PGR: variants seen among roughly 807,000 people sequenced by gnomAD.
PGR encodes the protein nuclear receptor subfamily 3 group C member 3.
A neutral mutation model predicts 76.1 loss-of-function variants in PGR; 25 were observed. The observed-to-expected ratio is 0.33, with a 90% CI of 0.24 to 0.46. The LOEUF (loss-of-function observed/expected upper bound fraction) is 0.46, where lower values mean the gene tolerates loss of function less well. Ranked by LOEUF, PGR falls within the 20% of genes least tolerant of loss-of-function variation. PGR has a pLI of 1.00. For missense variants in PGR, 1,172 were observed against 1,225.3 expected, an observed-to-expected ratio of 0.96 and a Z score of 0.65; for synonymous variants, 579 against 535.0, an observed-to-expected ratio of 1.08 and a Z score of -1.14.
At chr11:101,115,900 T>G (rs1862491041) in intron 2 of PGR, among the ~76,000 whole-genome samples, 1 of 152,204 alleles carries the variant, frequency 6.6e-6, no homozygotes, top group South Asian at 2.1e-4. Flanking sequence ...GTCCAAAATC[T>G]CTTAGCTGAA....
intron 3 of PGR, among the ~76,000 whole-genome samples, chr11:101,075,949 C>T (rs989527534): frequency 2.0e-5 from 3 of 152,038 alleles, no homozygotes; most frequent in African/African-American, 4.8e-5. Flanking sequence ...ACCATTTGAC[C>T]CAGCAATCCC....
At chr11:101,056,452 C>T (rs1459757071) in intron 4 of PGR, among the ~76,000 whole-genome samples, 2 of 151,766 alleles carry the variant, frequency 1.3e-5, no homozygotes, top group East Asian at 3.9e-4. Flanking sequence ...CAGCCAAGAC[C>T]CAGTCTCTAC....
intron 6 of PGR, among the ~76,000 whole-genome samples, chr11:101,048,796 AT>A (rs1422026135): frequency 1.3e-5 from 2 of 152,244 alleles, no homozygotes. Flanking sequence ...TATTTCTTTT[AT>A]AATAAATTAG....
At chr11:101,076,656 T>C (rs1861137901) in intron 3 of PGR, among the ~76,000 whole-genome samples, 1 of 151,886 alleles carries the variant, frequency 6.6e-6, no homozygotes, top group African/African-American at 2.4e-5. Flanking sequence ...ACAAGTGATA[T>C]GAAAGGTTTT....
At chr11:101,041,431 C>T (rs935244647) in intron 7 of PGR, among the ~76,000 whole-genome samples, 1 of 152,060 alleles carries the variant, frequency 6.6e-6, no homozygotes, top group Non-Finnish European at 1.5e-5. Flanking sequence ...TCCCCCTCTG[C>T]TATGGTGAAC....
chr11:101,064,643 C>A (rs1591383148), intron 3 of PGR, among the ~76,000 whole-genome samples: 1 of 152,168 alleles, frequency 6.6e-6, no homozygotes, highest in East Asian at 1.9e-4. Context: ...AACAAAGGCA[C>A]CACCTGTTTG....
chr11:101,073,654 C>T (rs909386689), intron 3 of PGR, among the ~76,000 whole-genome samples: 4 of 152,066 alleles, frequency 2.6e-5, no homozygotes, highest in Non-Finnish European at 5.9e-5. Flanking sequence ...GGGATATCAC[C>T]AGTGATCCCA....
intron 3 of PGR, among the ~76,000 whole-genome samples, chr11:101,085,525 TAAA>T (rs1212568882): frequency 7.1e-5 from 3 of 42,274 alleles, no homozygotes; most frequent in African/African-American, 3.4e-4. Context: ...CTAGAGGAAC[TAAA>T]AAAAAAAAAA....
At chr11:101,094,898 G>A (rs990356858) in intron 2 of PGR, among the ~76,000 whole-genome samples, 1 of 152,134 alleles carries the variant, frequency 6.6e-6, no homozygotes, top group Non-Finnish European at 1.5e-5. Context: ...AAAAGGGCTT[G>A]AGGGAGTGAA....
At chr11:101,049,388 G>C (rs1338689689) in intron 6 of PGR, among the ~76,000 whole-genome samples, 2 of 152,106 alleles carry the variant, frequency 1.3e-5, no homozygotes, top group East Asian at 3.9e-4. Flanking sequence ...ACATAAACCA[G>C]TAAGAGTTTT....
At chr11:101,097,015 G>C (rs1861854982) in intron 2 of PGR, among the ~76,000 whole-genome samples, 2 of 152,078 alleles carry the variant, frequency 1.3e-5, no homozygotes, top group African/African-American at 2.4e-5. Flanking sequence ...AAATAGGGGA[G>C]TTCACCCCAC....
chr11:101,031,268 G>A lies in PGR; in HGVS notation c.*7848C>T, dbSNP rs930076301. 4.1e-5 allele frequency: 9 copies of A among 219,338 alleles called. No individual in the cohort carries two copies. The highest frequency in any genetic ancestry group is 7.3e-5 in the African/African-American group (3 of 41,300). 13.6% of individuals were successfully genotyped at this position (219,338 alleles called of 1,614,324 possible). On this transcript the variant is annotated 3_prime_UTR_variant, in exon 8 of 8. Coordinates refer to ENST00000325455, the MANE Select transcript of PGR (RefSeq NM_000926.4). ...GACTTAAATATGAGATGATAGCAAC[G>A]GGGGTCTATGACCAGGCATAACTAA...
intron 2 of PGR, among the ~76,000 whole-genome samples, chr11:101,122,634 A>G (rs1359546581): frequency 2.0e-5 from 3 of 152,214 alleles, no homozygotes; most frequent in African/African-American, 4.8e-5. Flanking sequence ...GGCCAATACT[A>G]TATCCTAAAC....
chr11:101,042,746 A>C (rs1378746359), intron 6 of PGR, among the ~76,000 whole-genome samples: 1 of 152,200 alleles, frequency 6.6e-6, no homozygotes, highest in African/African-American at 2.4e-5. Flanking sequence ...GCAATGAAGG[A>C]AATATTGCAA....
chr11:101,044,314 T>C (rs1235562952), intron 6 of PGR, among the ~76,000 whole-genome samples: 2 of 152,178 alleles, frequency 1.3e-5, no homozygotes, highest in African/African-American at 4.8e-5. Flanking sequence ...TTCAAACTTT[T>C]TTCTGCTCCT....
Position 101,036,723 on chromosome 11 carries a change from G to C in PGR, c.*2393C>G, listed in dbSNP as rs771910759. ...ATTGCAGACAGAGATCAACATCGAA[G>C]ATATCAAACATTTTAACAAAAGCCA... On this transcript the variant is annotated 3_prime_UTR_variant, in exon 8 of 8. Coordinates refer to ENST00000325455, the MANE Select transcript of PGR (RefSeq NM_000926.4). The C allele has an allele frequency of 3.5e-5, 7 of 202,118 alleles. No homozygotes were observed. The highest frequency in any genetic ancestry group is 4.6e-5 in the African/African-American group (2 of 43,722). 12.5% of individuals were successfully genotyped at this position (202,118 alleles called of 1,614,324 possible). A position where few individuals can be genotyped will look rare whatever the true frequency, so the allele number is the denominator to read the frequency against.
rs1311515540 is a variant in PGR, at chr11:101,105,026, T to TA, written c.1790-13151dup. 7.9e-5 allele frequency among the ~76,000 whole-genome samples: 12 copies of TA among 152,112 alleles called. No homozygotes were observed. In the East Asian group the frequency reaches 2.1e-3, roughly 27 times the overall value. ...AGTGGGGAGTGTTGGGGAAAGGAAT[T>TA]AGAGAGGAAAGAAGAAATTGCTAAG... On this transcript the variant is annotated intron_variant, in intron 2 of 7. Coordinates refer to ENST00000325455, the MANE Select transcript of PGR (RefSeq NM_000926.4).
chr11:101,090,425 C>A (rs533579753), intron 3 of PGR, among the ~76,000 whole-genome samples: 21 of 152,326 alleles, frequency 1.4e-4, no homozygotes, highest in African/African-American at 5.1e-4. Flanking sequence ...CTAAGGCAAG[C>A]ATGCCAAGGA....
intron 1 of PGR, among the ~76,000 whole-genome samples, chr11:101,126,555 T>G (rs1048120876): frequency 2.0e-5 from 3 of 152,240 alleles, no homozygotes; most frequent in African/African-American, 7.2e-5. Flanking sequence ...AAAAGTTCGA[T>G]GGTACTTTGC....
Sources: gnomAD v4.1 joint callset for allele counts (sites outside exome capture counted in the v4.1 genomes callset) on GRCh38, gnomAD v4.1.1 for gene constraint, MANE v1.5 for transcripts, NCBI Gene and HGNC (gene_info 2026-07-23, HGNC 2026-07-21) for gene names.